MTMR14: variants seen among roughly 807,000 people sequenced by gnomAD.
MTMR14 encodes the protein myotubularin related protein 14.
A neutral mutation model predicts 86.3 loss-of-function variants in MTMR14; 48 were observed. The observed-to-expected ratio is 0.56, with a 90% CI of 0.44 to 0.71. The LOEUF is 0.71. Among genes scored for constraint, MTMR14 ranks in the 30% least tolerant of loss-of-function variants. The pLI is 0.00. For missense variants in MTMR14, 780 were observed against 834.6 expected (o/e 0.93, Z 0.81); for synonymous variants, 366 against 326.1 (o/e 1.12, Z -1.32).
chr3:9,686,931 G>T (rs1338198144), intron 13 of MTMR14, among the ~76,000 whole-genome samples: 6 of 152,188 alleles, frequency 3.9e-5, no homozygotes, highest in African/African-American at 1.4e-4. Context: ...CTGGGGTCAG[G>T]AGCCTCCTGC....
intron 2 of MTMR14, among the ~76,000 whole-genome samples, chr3:9,654,711 T>C (rs1353203753): frequency 6.6e-6 from 1 of 152,218 alleles, no homozygotes; most frequent in Non-Finnish European, 1.5e-5. Flanking sequence ...TCATGCTGCA[T>C]AGTGCAGTAG....
chr3:9,696,137 C>G (rs2076275674), intron 17 of MTMR14, among the ~76,000 whole-genome samples: 1 of 152,192 alleles, frequency 6.6e-6, no homozygotes, highest in Non-Finnish European at 1.5e-5. Flanking sequence ...CATAGAAAAC[C>G]ATCTGTTTTC....
intron 13 of MTMR14, among the ~76,000 whole-genome samples, chr3:9,687,153 T>G (rs1180475930): frequency 6.6e-6 from 1 of 152,258 alleles, no homozygotes; most frequent in Non-Finnish European, 1.5e-5. Flanking sequence ...TATCCTTCCC[T>G]GTTAGCATCT....
Position 9,653,802 on chromosome 3 carries a change from G to T in MTMR14, c.308+33G>T, listed in dbSNP as rs763709228. On this transcript the variant is annotated intron_variant, in intron 2 of 18. Transcript: ENST00000296003. ...TCATGTGACCGTAGTGTACATGTCT[G>T]GGGAGTCCGTGGCAGCTAATCCCTG... 5 of 1,613,846 alleles carry T rather than the reference G, an allele frequency of 3.1e-6. No individual in the cohort carries two copies. In the South Asian group the frequency reaches 5.5e-5, roughly 18 times the overall value.
intron 10 of MTMR14, chr3:9,683,839 T>A (rs893095286): frequency 1.3e-5 from 2 of 156,652 alleles, no homozygotes; most frequent in African/African-American, 4.8e-5. Context: ...TCTTTCTCTG[T>A]TTCTCAAAAC....
At chr3:9,655,260 G>A (rs182891680) in intron 2 of MTMR14, among the ~76,000 whole-genome samples, 2 of 151,374 alleles carry the variant, frequency 1.3e-5, no homozygotes, top group Non-Finnish European at 2.9e-5. Context: ...CCAGCTACTC[G>A]GGTGGCTGAG....
At chr3:9,675,594 T>A (rs929198546) in intron 7 of MTMR14, 8 of 457,278 alleles carry the variant, frequency 1.7e-5, no homozygotes, top group Non-Finnish European at 3.1e-5. Context: ...ATTTGTTTCC[T>A]CCTTGAGTGA....
intron 7 of MTMR14, among the ~76,000 whole-genome samples, chr3:9,673,864 G>A (rs187534162): frequency 1.3e-5 from 2 of 152,198 alleles, no homozygotes; most frequent in African/African-American, 4.8e-5. Flanking sequence ...ATGAGTAGTT[G>A]GGAAAGCTTC....
chr3:9,698,977 T>C (rs2076368601), intron 18 of MTMR14, among the ~76,000 whole-genome samples: 1 of 152,112 alleles, frequency 6.6e-6, no homozygotes, highest in Non-Finnish European at 1.5e-5. Flanking sequence ...GAGACCAACC[T>C]GACCAACATG....
Position 9,691,263 on chromosome 3 carries a change from C to T in MTMR14, c.1613+1120C>T, listed in dbSNP as rs571904929. ...AGCCTGTGAAACCACCGCCACACGC[C>T]GTCTGGCCCCATGGGAGGTGTGGTG... On this transcript the variant is annotated intron_variant, in intron 17 of 18. Transcript: ENST00000296003. 9.9e-4 allele frequency among the ~76,000 whole-genome samples: 151 copies of T among 152,288 alleles called. 1 individual carries two copies. Among genetic ancestry groups the T allele is most frequent in the South Asian group, 2.1e-4 (1 of 4,822 alleles).
intron 9 of MTMR14, among the ~76,000 whole-genome samples, chr3:9,680,749 A>G (rs2075738062): frequency 6.6e-6 from 1 of 152,238 alleles, no homozygotes. Context: ...AGGCAGGAGA[A>G]TGGCGTGAAC....
intron 9 of MTMR14, among the ~76,000 whole-genome samples, chr3:9,682,489 G>C (rs1219840994): frequency 2.6e-5 from 4 of 152,200 alleles, no homozygotes; most frequent in African/African-American, 9.7e-5. Flanking sequence ...TCCAGGTTCT[G>C]AGTGGGCTGT....
chr3:9,672,789 C>G (rs1393785167), intron 7 of MTMR14, 31 bp downstream of exon 7: 2 of 1,604,972 alleles, frequency 1.2e-6, no homozygotes, highest in African/African-American at 2.7e-5. Flanking sequence ...GGCAGGCATC[C>G]TAGGACTGGG....
chr3:9,653,189 T>A (rs547429862), intron 1 of MTMR14, among the ~76,000 whole-genome samples: 2 of 152,280 alleles, frequency 1.3e-5, no homozygotes, highest in Non-Finnish European at 2.9e-5. Context: ...GAGCTGAGAT[T>A]GCCCCACTGC....
At chr3:9,669,315 A>T (rs1433707807) in intron 4 of MTMR14, 117 bp from the exon 5 acceptor site, 2 of 910,906 alleles carry the variant, frequency 2.2e-6, no homozygotes, top group African/African-American at 3.3e-5. Flanking sequence ...CCTTAGGAGT[A>T]GAGCCATGTA....
intron 14 of MTMR14, among the ~76,000 whole-genome samples, chr3:9,688,205 T>G (rs2076024304): frequency 6.6e-6 from 1 of 151,748 alleles, no homozygotes; most frequent in Admixed American, 6.6e-5. Flanking sequence ...AGCCCAGGAG[T>G]AGGAGGACTC....
chr3:9,695,202 G>A (rs894619348), intron 17 of MTMR14, among the ~76,000 whole-genome samples: 2 of 152,278 alleles, frequency 1.3e-5, no homozygotes, highest in East Asian at 1.9e-4. Context: ...CCTTACTCCC[G>A]GTGACATGAT....
intron 9 of MTMR14, among the ~76,000 whole-genome samples, chr3:9,679,042 CTA>C (rs1559592507): frequency 6.6e-6 from 1 of 152,236 alleles, no homozygotes; most frequent in Non-Finnish European, 1.5e-5. Context: ...GCTGACCCAT[CTA>C]TGTTAAGCAA....
At chr3:9,674,419 T>C (rs1310327250) in intron 7 of MTMR14, among the ~76,000 whole-genome samples, 2 of 152,178 alleles carry the variant, frequency 1.3e-5, no homozygotes, top group East Asian at 3.9e-4. Context: ...AAACAAGAAA[T>C]GTTTTCACTA....
Sources: gnomAD v4.1 joint callset for allele counts (sites outside exome capture counted in the v4.1 genomes callset) on GRCh38, gnomAD v4.1.1 for gene constraint, MANE v1.5 for transcripts, NCBI Gene and HGNC (gene_info 2026-07-23, HGNC 2026-07-21) for gene names.